Variants in NFXL1 observed in about 807,000 individuals in gnomAD.
The protein encoded by NFXL1 is nuclear transcription factor, X-box binding like 1.
In NFXL1, 66 loss-of-function variants were observed where a neutral mutation model predicts 123.3. That is an observed-to-expected ratio of 0.54 (90% CI 0.44 to 0.66). The LOEUF (loss-of-function observed/expected upper bound fraction) is 0.66. NFXL1 is among the 30% of genes least tolerant of loss of function. NFXL1 has a pLI of 0.00. For missense variants in NFXL1, 944 were observed against 1,125.6 expected, an observed-to-expected ratio of 0.84 and a Z score of 2.31; for synonymous variants, 346 against 360.8, an observed-to-expected ratio of 0.96 and a Z score of 0.46.
At chr4:47,885,857 T>C in intron 13 of NFXL1, 22 bp downstream of exon 13, 4 of 1,598,680 alleles carry the variant, frequency 2.5e-6, no homozygotes, top group Non-Finnish European at 3.4e-6. Context: ...AGATGGAAGC[T>C]TGTGCAAAGC....
intron 2 of NFXL1, among the ~76,000 whole-genome samples, chr4:47,913,094 T>C (rs1737924434): frequency 6.6e-6 from 1 of 150,966 alleles, no homozygotes; most frequent in Non-Finnish European, 1.5e-5. Context: ...GGCCATTAAC[T>C]GCATGCTAAG....
chr4:47,852,392 A>G (rs912005238), intron 20 of NFXL1, among the ~76,000 whole-genome samples: 1 of 152,132 alleles, frequency 6.6e-6, no homozygotes, highest in Admixed American at 6.5e-5. Flanking sequence ...AGCACTTGAA[A>G]TGTGGGTAGT....
chr4:47,866,591 C>T (rs1177865190), intron 18 of NFXL1, among the ~76,000 whole-genome samples: 1 of 152,170 alleles, frequency 6.6e-6, no homozygotes, highest in African/African-American at 2.4e-5. Context: ...ACATAATATT[C>T]CAAACTGAAT....
At chr4:47,899,296 CA>C in intron 6 of NFXL1, 73 bp downstream of exon 6, 1 of 1,380,930 alleles carries the variant, frequency 7.2e-7, no homozygotes, top group Non-Finnish European at 9.9e-7. Flanking sequence ...TCAACTTTTA[CA>C]ATTTTTTTTT....
At chr4:47,849,829 G>C (rs1734015434) in intron 22 of NFXL1, among the ~76,000 whole-genome samples, 1 of 152,060 alleles carries the variant, frequency 6.6e-6, no homozygotes, top group African/African-American at 2.4e-5. Flanking sequence ...TGGAGGATTT[G>C]CAAATAACAC....
chr4:47,891,990 G>A (rs1736800700), intron 11 of NFXL1, among the ~76,000 whole-genome samples: 1 of 152,060 alleles, frequency 6.6e-6, no homozygotes, highest in Non-Finnish European at 1.5e-5. Context: ...TGTTTATTGA[G>A]TAATACTATG....
intron 17 of NFXL1, chr4:47,877,237 T>C (rs1735811343): frequency 2.2e-6 from 1 of 449,892 alleles, no homozygotes; most frequent in Non-Finnish European, 4.5e-6. Flanking sequence ...CTTCCAGCTA[T>C]GGCAGAAACA....
rs1578039614 is a variant in NFXL1, at chr4:47,903,263, T to C, written c.577A>G (p.Lys193Glu). The change falls in exon 5 of 23, where the codon AAA (lysine) becomes GAA (glutamate). Residue 193 changes from lysine to glutamate, a missense_variant. Physicochemically the swap from Lys to Glu is moderately conservative, Grantham distance 56. Around this residue, in one of 4 missense-constraint regions of NFXL1, gnomAD observed 303 missense variants for 292.1 expected, o/e 1.04. Coordinates refer to ENST00000507489, the MANE Select transcript of NFXL1 (RefSeq NM_001278624.2). Reference sequence around the variant, plus strand: ...GAAGATACAAGAAACTGGCTGTCTTTAGCCCACTTCTGGATACAGGGCATG... The same window carrying C: ...GAAGATACAAGAAACTGGCTGTCTTCAGCCCACTTCTGGATACAGGGCATG... ...FHMPCIQKWA[K>E]DSQFLVSSVT... 1.3e-6 allele frequency: 2 copies of C among 1,599,870 alleles called. No individual in the cohort carries two copies. Among genetic ancestry groups the C allele is most frequent in the Non-Finnish European group, 8.5e-7 (1 of 1,172,134 alleles).
At chr4:47,859,255 TTCC>T (rs1734587018) in intron 19 of NFXL1, among the ~76,000 whole-genome samples, 1 of 152,218 alleles carries the variant, frequency 6.6e-6, no homozygotes, top group Non-Finnish European at 1.5e-5. Context: ...TCCACTTTAA[TTCC>T]AATAATAGGA....
intron 9 of NFXL1, among the ~76,000 whole-genome samples, chr4:47,897,097 G>T (rs567053063): frequency 1.3e-5 from 2 of 152,160 alleles, no homozygotes; most frequent in African/African-American, 4.8e-5. Flanking sequence ...ATTACTTGAG[G>T]CCAGGAGTTC....
chr4:47,848,450 A>C, intron 22 of NFXL1, 114 bp from the exon 23 acceptor site: 1 of 744,026 alleles, frequency 1.3e-6, no homozygotes, highest in African/African-American at 1.8e-5. Context: ...TATATAGTCA[A>C]TATATTGATT....
intron 19 of NFXL1, among the ~76,000 whole-genome samples, chr4:47,855,622 G>C (rs1198972526): frequency 6.6e-6 from 1 of 151,862 alleles, no homozygotes; most frequent in Non-Finnish European, 1.5e-5. Context: ...TGGATTCATG[G>C]GTGAACACAT....
intron 5 of NFXL1, among the ~76,000 whole-genome samples, chr4:47,902,325 T>C (rs898098128): frequency 2.0e-5 from 3 of 152,234 alleles, no homozygotes; most frequent in African/African-American, 4.8e-5. Context: ...CCAATATGAA[T>C]AAATTTCTTA....
intron 18 of NFXL1, 79 bp downstream of exon 18, chr4:47,875,048 T>G: frequency 1.0e-6 from 1 of 974,108 alleles, no homozygotes; most frequent in Non-Finnish European, 1.6e-6. Context: ...CAAAGTACAC[T>G]ATAAAGGGTT....
At chr4:47,878,058 C>T (rs1377857568) in intron 17 of NFXL1, among the ~76,000 whole-genome samples, 1 of 151,852 alleles carries the variant, frequency 6.6e-6, no homozygotes, top group Non-Finnish European at 1.5e-5. Context: ...ATCTGTGATG[C>T]CATTTATTTT....
chr4:47,865,488 G>A (rs1461119917), intron 18 of NFXL1, among the ~76,000 whole-genome samples: 5 of 127,224 alleles, frequency 3.9e-5, no homozygotes, highest in East Asian at 3.0e-4. Flanking sequence ...CTATAACTAG[G>A]AAAAAAAAAA....
rs3057881 is a variant in NFXL1 at position 47,899,138 on chromosome 4, C to CAAAAAAAAAA, written c.827-28_827-19dup. On this transcript the variant is annotated intron_variant, in intron 6 of 22. Transcript: ENST00000507489. ...GCAGGGACCTAGAATTCAGTAAAAG[C>CAAAAAAAAAA]AAAAAAAAAAAAAAAAAAAAAATCT... 9.9e-6 allele frequency: 12 copies of CAAAAAAAAAA among 1,212,208 alleles called. No homozygotes were observed. Among genetic ancestry groups the CAAAAAAAAAA allele is most frequent in the Middle Eastern group, 3.0e-4 (1 of 3,318 alleles). The allele number at this position is 1,212,208 out of a possible 1,614,324, so 75.1% of individuals were successfully genotyped here.
At chr4:47,873,781 C>T (rs1248284898) in intron 18 of NFXL1, among the ~76,000 whole-genome samples, 1 of 152,196 alleles carries the variant, frequency 6.6e-6, no homozygotes, top group East Asian at 1.9e-4. Flanking sequence ...ACTTTAAAGC[C>T]AGGCACTGAC....
intron 8 of NFXL1, among the ~76,000 whole-genome samples, chr4:47,898,294 A>G (rs561735797): frequency 1.3e-5 from 2 of 152,290 alleles, no homozygotes; most frequent in African/African-American, 4.8e-5. Flanking sequence ...CTATGCACCA[A>G]AAAGTATATT....
Sources: gnomAD v4.1 joint callset for allele counts (sites outside exome capture counted in the v4.1 genomes callset) on GRCh38, gnomAD v4.1.1 for gene constraint, gnomAD v4.1.1 regional missense constraint, MANE v1.5 for transcripts, NCBI Gene and HGNC (gene_info 2026-07-23, HGNC 2026-07-21) for gene names.